The following PLCB4 variants were observed in gnomAD, a reference collection of about 807,000 sequenced individuals.
The protein encoded by PLCB4 is 1-phosphatidylinositol 4,5-bisphosphate phosphodiesterase beta-4.
PLCB4 carries 77 observed loss-of-function variants against 178.8 expected under a neutral mutation model. The observed-to-expected ratio is 0.43, with a 90% CI of 0.36 to 0.52. The LOEUF is 0.52. Among genes scored for constraint, PLCB4 ranks in the 20% least tolerant of loss-of-function variants. The pLI, the probability that PLCB4 is intolerant of heterozygous loss-of-function variation, is 0.00. For missense variants in PLCB4, 1,024 were observed against 1,453.4 expected, an observed-to-expected ratio of 0.70 and a Z score of 4.80; for synonymous variants, 496 against 490.8, an observed-to-expected ratio of 1.01 and a Z score of -0.14.
At chr20:9,281,636 G>C (rs2094495696) in intron 3 of PLCB4, among the ~76,000 whole-genome samples, 1 of 151,828 alleles carries the variant, frequency 6.6e-6, no homozygotes, top group Admixed American at 6.6e-5. Flanking sequence ...AAACATGTAG[G>C]TTTTATATTT....
chr20:9,435,663 T>C lies in PLCB4; in HGVS notation c.2613+15T>C. 1 of 1,475,724 alleles carries C rather than the reference T, an allele frequency of 6.8e-7. No individual in the cohort carries two copies. The highest frequency in any genetic ancestry group is 9.5e-7 in the Non-Finnish European group (1 of 1,056,612). 91.4% of individuals were successfully genotyped at this position (1,475,724 alleles called of 1,614,324 possible). A position where few individuals can be genotyped will look rare whatever the true frequency, so the allele number is the denominator to read the frequency against. The stretch of plus-strand genomic sequence containing the variant: ...GCATTGAAACTGTAAGTAGAAATGG[T>C]TGATTAAAGGTGGCCAAGTTGTGGG... On this transcript the variant is annotated intron_variant, in intron 29 of 39. Coordinates refer to ENST00000378473, the MANE Select transcript of PLCB4 (RefSeq NM_001377142.1).
At chr20:9,074,883 G>A (rs1237916241) in intron 1 of PLCB4, among the ~76,000 whole-genome samples, 1 of 149,600 alleles carries the variant, frequency 6.7e-6, no homozygotes, top group Non-Finnish European at 1.5e-5. Context: ...GAGGGAGAAA[G>A]GCCTCCACTA....
chr20:9,183,223 G>A (rs1441701137), intron 2 of PLCB4, among the ~76,000 whole-genome samples: 1 of 151,980 alleles, frequency 6.6e-6, no homozygotes, highest in African/African-American at 2.4e-5. Flanking sequence ...CTGTATTGTT[G>A]GTGTCCCAGC....
chr20:9,437,489 A>G (rs1268774675), intron 30 of PLCB4, among the ~76,000 whole-genome samples: 1 of 152,220 alleles, frequency 6.6e-6, no homozygotes, highest in South Asian at 2.1e-4. Context: ...TTACCTGTAG[A>G]TGAAACAAAA....
intron 3 of PLCB4, among the ~76,000 whole-genome samples, chr20:9,256,213 A>G (rs952072808): frequency 6.6e-6 from 1 of 152,152 alleles, no homozygotes; most frequent in African/African-American, 2.4e-5. Context: ...TTGTAACAAG[A>G]TCAGAGGTAG....
intron 35 of PLCB4, among the ~76,000 whole-genome samples, chr20:9,466,867 G>A (rs2122572390): frequency 6.6e-6 from 1 of 152,322 alleles, no homozygotes; most frequent in East Asian, 1.9e-4. Flanking sequence ...GGAAGACAGT[G>A]TGGCGATTCC....
intron 28 of PLCB4, among the ~76,000 whole-genome samples, chr20:9,426,448 G>A (rs943328314): frequency 6.6e-6 from 1 of 151,928 alleles, no homozygotes; most frequent in Non-Finnish European, 1.5e-5. Context: ...ACACAATCTC[G>A]GCTCACTGCA....
chr20:9,206,299 C>CTTTTTTCTTTTTTTT (rs1568948051), intron 2 of PLCB4, among the ~76,000 whole-genome samples: 1 of 96,126 alleles, frequency 1.0e-5, no homozygotes, highest in African/African-American at 3.9e-5. Flanking sequence ...TTTCTTTTTT[C>CTTTTTTCTTTTTTTT]TTTTTTTTTT....
intron 3 of PLCB4, among the ~76,000 whole-genome samples, chr20:9,253,907 T>C (rs1349005292): frequency 6.6e-6 from 1 of 152,114 alleles, no homozygotes; most frequent in African/African-American, 2.4e-5. Flanking sequence ...CATGAAAAAA[T>C]AAGTGCTCCT....
At chr20:9,236,474 C>T (rs1399070611) in intron 3 of PLCB4, among the ~76,000 whole-genome samples, 1 of 152,138 alleles carries the variant, frequency 6.6e-6, no homozygotes, top group East Asian at 1.9e-4. Flanking sequence ...CTCTCTGGAA[C>T]ATTCATATCA....
At chr20:9,273,643 G>A (rs1054444997) in intron 3 of PLCB4, among the ~76,000 whole-genome samples, 2 of 150,824 alleles carry the variant, frequency 1.3e-5, no homozygotes, top group Non-Finnish European at 1.5e-5. Flanking sequence ...TGTTCTGTTC[G>A]GATGATAATA....
At chr20:9,155,490 T>C (rs1600767326) in intron 2 of PLCB4, among the ~76,000 whole-genome samples, 1 of 152,212 alleles carries the variant, frequency 6.6e-6, no homozygotes, top group African/African-American at 2.4e-5. Flanking sequence ...TTTTTAGCTG[T>C]CAATCTACTG....
At chr20:9,406,027 C>A (rs79003814) in intron 21 of PLCB4, among the ~76,000 whole-genome samples, 1 of 152,150 alleles carries the variant, frequency 6.6e-6, no homozygotes, top group Admixed American at 6.5e-5. Context: ...TAAATATGGT[C>A]GCAGGCCTGT....
At chr20:9,465,500 GT>G (rs1328454081) in intron 35 of PLCB4, among the ~76,000 whole-genome samples, 1 of 152,178 alleles carries the variant, frequency 6.6e-6, no homozygotes, top group Non-Finnish European at 1.5e-5. Flanking sequence ...AATTGTCCCT[GT>G]TTGCACATCA....
At chr20:9,376,032 A>G (rs918967502) in intron 12 of PLCB4, among the ~76,000 whole-genome samples, 32 of 152,014 alleles carry the variant, frequency 2.1e-4, no homozygotes, top group Admixed American at 2.0e-3. Flanking sequence ...GAGAGACTAT[A>G]TATATAGTCC....
At chr20:9,379,201 A>T (rs1380825382) in intron 12 of PLCB4, among the ~76,000 whole-genome samples, 1 of 152,176 alleles carries the variant, frequency 6.6e-6, no homozygotes, top group Non-Finnish European at 1.5e-5. Context: ...CTGCCAACAC[A>T]CATACACACA....
chr20:9,337,641 TAAGAA>T (rs1471033536), intron 5 of PLCB4, among the ~76,000 whole-genome samples: 9 of 152,208 alleles, frequency 5.9e-5, no homozygotes, highest in Non-Finnish European at 1.0e-4. Flanking sequence ...GAGCTGAATT[TAAGAA>T]AAGAATTAAA....
chr20:9,256,160 G>C (rs1463727498), intron 3 of PLCB4, among the ~76,000 whole-genome samples: 1 of 152,130 alleles, frequency 6.6e-6, no homozygotes, highest in Non-Finnish European at 1.5e-5. Flanking sequence ...AATGAGTTTT[G>C]TGAACAGCAA....
rs151284195 is a variant in PLCB4 at position 9,435,601 on chromosome 20, A to G, written c.2566A>G (p.Ile856Val). 14 of 1,610,292 alleles carry G rather than the reference A, an allele frequency of 8.7e-6. No homozygotes were observed. The highest frequency in any genetic ancestry group is 3.3e-4 in the Middle Eastern group (2 of 6,046). ...ALSDPKKFLS[I>V]TEKRADQMRA... is the part of the protein sequence containing the mutation. Reference sequence around the variant, plus strand: ...ATCAGATCCAAAGAAATTTCTCTCAATTACAGAAAAGAGAGCAGACCAAAT... The same window carrying G: ...ATCAGATCCAAAGAAATTTCTCTCAGTTACAGAAAAGAGAGCAGACCAAAT... Residue 856 changes from isoleucine to valine, a missense_variant, in exon 29 of 40, where the codon ATT becomes GTT. Ile to Val is a conservative substitution (Grantham distance 29). Around this residue, in one of 7 missense-constraint regions of PLCB4, gnomAD observed 227 missense variants for 374.3 expected, o/e 0.61. Transcript: ENST00000378473.
Sources: gnomAD v4.1 joint callset for allele counts (sites outside exome capture counted in the v4.1 genomes callset) on GRCh38, gnomAD v4.1.1 for gene constraint, gnomAD v4.1.1 regional missense constraint, MANE v1.5 for transcripts, NCBI Gene and HGNC (gene_info 2026-07-23, HGNC 2026-07-21) for gene names.